The following NIBAN2 variants were observed in gnomAD, a reference collection of about 807,000 sequenced individuals.
NIBAN2 encodes niban apoptosis regulator 2, also known as protein Niban 2.
NIBAN2 carries 36 observed loss-of-function variants against 81.8 expected under a neutral mutation model. The observed-to-expected ratio is 0.44, with a 90% CI of 0.34 to 0.58. The LOEUF is 0.58. Ranked by LOEUF, NIBAN2 falls within the 20% of genes least tolerant of loss-of-function variation. The pLI is 0.02. For missense variants in NIBAN2, 897 were observed against 1,014.1 expected, an observed-to-expected ratio of 0.88 and a Z score of 1.57; for synonymous variants, 445 against 441.6, an observed-to-expected ratio of 1.01 and a Z score of -0.10.
At chr9:127,523,592 C>A in intron 5 of NIBAN2, 87 bp downstream of exon 5, 2 of 1,412,980 alleles carry the variant, frequency 1.4e-6, no homozygotes, top group Non-Finnish European at 1.9e-6. Flanking sequence ...GTTGCCACAC[C>A]ATAGTCAGCC....
In NIBAN2 at chr9:127,541,675, G is replaced by C. The variant is rs10987677; in HGVS notation, c.56-9897C>G. ...CAGCCCATCCACGAGAAGAGCCTGA[G>C]CCAGCAGCCAGAATCTGGCAGGCCA... On this transcript the variant is annotated intron_variant, in intron 1 of 13. Transcript: ENST00000373312. 8.6e-3 allele frequency among the ~76,000 whole-genome samples: 1,308 copies of C among 152,252 alleles called. 14 individuals carry two copies. Among genetic ancestry groups the C allele is most frequent in the Non-Finnish European group, 0.011 (717 of 67,998 alleles).
chr9:127,525,531 T>C (rs1837047012), intron 3 of NIBAN2, among the ~76,000 whole-genome samples: 2 of 152,184 alleles, frequency 1.3e-5, no homozygotes, highest in African/African-American at 4.8e-5. Flanking sequence ...GTAATAACCA[T>C]TCCTGCCTCA....
At chr9:127,576,169 G>C (rs2132249537) in intron 1 of NIBAN2, among the ~76,000 whole-genome samples, 1 of 152,324 alleles carries the variant, frequency 6.6e-6, no homozygotes. Context: ...CTGGGCACTG[G>C]AGGGGAACGT....
intron 1 of NIBAN2, among the ~76,000 whole-genome samples, chr9:127,552,505 A>T (rs1041707991): frequency 6.6e-6 from 1 of 152,070 alleles, no homozygotes. Flanking sequence ...TGAGCCCAGG[A>T]GATTGAGGCT....
rs1194586190 is a variant in NIBAN2, at chr9:127,559,909, G to A, written c.55+8911C>T. On this transcript the variant is annotated intron_variant, in intron 1 of 13. Transcript: ENST00000373312. The surrounding 1 kb of genome is among the most constrained non-coding windows in gnomAD (Gnocchi z 4.0). ...AGCCGATGCTCCCTAAGCACAAAGA[G>A]CTAAGGCCACATCATCTCACCGACC... Among the ~76,000 whole-genome samples, 1 of 152,176 alleles carries A rather than the reference G, an allele frequency of 6.6e-6. No homozygotes were observed. Among genetic ancestry groups the A allele is most frequent in the Non-Finnish European group, 1.5e-5 (1 of 68,038 alleles).
chr9:127,514,231 T>C (rs923648052), intron 8 of NIBAN2, among the ~76,000 whole-genome samples: 5 of 143,904 alleles, frequency 3.5e-5, no homozygotes, highest in Non-Finnish European at 7.4e-5. Context: ...ATGGCACCAC[T>C]GCACTCCAGC....
chr9:127,508,960 G>A lies in NIBAN2; in HGVS notation c.1317+16C>T, dbSNP rs758645842. Reference sequence around the variant, plus strand: ...GTGGACAGGGTGTGGGGTGGGGGTCGTAGCCTCGGGTCTACCTCCCGCATG... The same window carrying A: ...GTGGACAGGGTGTGGGGTGGGGGTCATAGCCTCGGGTCTACCTCCCGCATG... On this transcript the variant is annotated intron_variant, in intron 10 of 13. Transcript: ENST00000373312. The surrounding 1 kb of genome is among the most constrained non-coding windows in gnomAD (Gnocchi z 6.4). The A allele has an allele frequency of 1.7e-5, 28 of 1,612,976 alleles. No homozygotes were observed. Among genetic ancestry groups the A allele is most frequent in the Admixed American group, 3.3e-5 (2 of 59,978 alleles).
intron 9 of NIBAN2, chr9:127,509,767 CCTCTCCCCTCCT>C: frequency 7.1e-6 from 1 of 141,372 alleles, no homozygotes; most frequent in East Asian, 2.1e-4. Context: ...CCCGCCCTTC[CCTCTCCCCTCCT>C]CTCCTTCCCT....
At chr9:127,521,431 G>A (rs1349664458) in intron 5 of NIBAN2, among the ~76,000 whole-genome samples, 2 of 152,098 alleles carry the variant, frequency 1.3e-5, no homozygotes, top group African/African-American at 4.8e-5. Flanking sequence ...GGCCAACACT[G>A]AGGACCCGGC....
At chr9:127,532,668 T>C (rs1209874201) in intron 1 of NIBAN2, among the ~76,000 whole-genome samples, 1 of 151,800 alleles carries the variant, frequency 6.6e-6, no homozygotes, top group African/African-American at 2.4e-5. Context: ...CGGAAAGGGC[T>C]CATGCTCCAT....
rs147956761 is a variant in NIBAN2 at position 127,526,977 on chromosome 9, C to T, written c.315+217G>A. Among the ~76,000 whole-genome samples the T allele has an allele frequency of 3.9e-4, 60 of 152,038 alleles. No homozygotes were observed. In the East Asian group the frequency reaches 5.0e-3, roughly 13 times the overall value. On this transcript the variant is annotated intron_variant, in intron 3 of 13. Coordinates refer to ENST00000373312, the MANE Select transcript of NIBAN2 (RefSeq NM_022833.4). The stretch of plus-strand genomic sequence containing the variant: ...GTTTATGAGGGACAGAAGGAGTCAG[C>T]GATATTCCCCAGAGATGAAGAATGA...
intron 1 of NIBAN2, among the ~76,000 whole-genome samples, chr9:127,575,594 A>G (rs1160131200): frequency 5.5e-4 from 73 of 131,770 alleles, no homozygotes; most frequent in Non-Finnish European, 1.4e-4. Context: ...CAGTGGCGGG[A>G]TCTCTGCTCA....
intron 1 of NIBAN2, among the ~76,000 whole-genome samples, chr9:127,557,022 A>G (rs1208643500): frequency 6.6e-6 from 1 of 152,198 alleles, no homozygotes; most frequent in African/African-American, 2.4e-5. Flanking sequence ...GGCTGCAGTA[A>G]GCTATAATTG....
chr9:127,557,152 A>C (rs1202430979), intron 1 of NIBAN2, among the ~76,000 whole-genome samples: 1 of 152,188 alleles, frequency 6.6e-6, no homozygotes, highest in Admixed American at 6.5e-5. Context: ...GTGGGAGCTC[A>C]GAGGAAGAGC....
chr9:127,535,573 C>T (rs1193568720), intron 1 of NIBAN2, among the ~76,000 whole-genome samples: 1 of 152,112 alleles, frequency 6.6e-6, no homozygotes, highest in Non-Finnish European at 1.5e-5. Flanking sequence ...GGTCCCTGGA[C>T]CAGCGCAGTG....
intron 1 of NIBAN2, among the ~76,000 whole-genome samples, chr9:127,551,388 T>C (rs918548581): frequency 2.6e-5 from 4 of 151,982 alleles, no homozygotes; most frequent in Non-Finnish European, 5.9e-5. Context: ...CTGGGTACAG[T>C]GGTGGGCACC....
At chr9:127,570,831 T>G (rs1448385939), upstream of NIBAN2, among the ~76,000 whole-genome samples, 4 of 152,214 alleles carry the variant, frequency 2.6e-5, no homozygotes, top group Non-Finnish European at 5.9e-5. Flanking sequence ...GTCATGCTGG[T>G]TAGGGATCAC....
chr9:127,535,571 G>A (rs568722264), intron 1 of NIBAN2, among the ~76,000 whole-genome samples: 1 of 152,270 alleles, frequency 6.6e-6, no homozygotes, highest in South Asian at 2.1e-4. Context: ...CAGGTCCCTG[G>A]ACCAGCGCAG....
rs1564291808 is a variant in NIBAN2, at chr9:127,507,202, A to C, written c.1884T>G (p.Asp628Glu). Residue 628 changes from aspartate (D) to glutamate (E), a missense_variant, in exon 14 of 14, where the codon GAT becomes GAG. Physicochemically the swap from Asp to Glu is conservative, Grantham distance 45 (BLOSUM62 2). Coordinates refer to ENST00000373312, the MANE Select transcript of NIBAN2 (RefSeq NM_022833.4). The surrounding 1 kb of genome is among the most constrained non-coding windows in gnomAD (Gnocchi z 6.8). The part of the protein sequence containing the change: ...RAKQVVSVVQ[D>E]EEVGLPFEAS... The stretch of plus-strand genomic sequence containing the variant: ...CCTCAAAGGGCAGCCCCACCTCCTC[A>C]TCCTGGACCACAGAGACCACCTGCT... 1 of 1,612,888 alleles carries C rather than the reference A, an allele frequency of 6.2e-7. No homozygotes were observed.
Sources: gnomAD v4.1 joint callset for allele counts (sites outside exome capture counted in the v4.1 genomes callset) on GRCh38, gnomAD v4.1.1 for gene constraint, Gnocchi (gnomAD v3.1) non-coding constraint, MANE v1.5 for transcripts, NCBI Gene and HGNC (gene_info 2026-07-23, HGNC 2026-07-21) for gene names.